Variants in ALDH1L1 observed in about 807,000 individuals in gnomAD.
ALDH1L1 encodes aldehyde dehydrogenase 1 family member L1, also known as cytosolic 10-formyltetrahydrofolate dehydrogenase.
A neutral mutation model predicts 101.1 loss-of-function variants in ALDH1L1; 68 were observed. That is an observed-to-expected ratio of 0.67 (90% CI 0.55 to 0.82). The LOEUF (loss-of-function observed/expected upper bound fraction) is 0.82, where lower values mean the gene tolerates loss of function less well. ALDH1L1 is among the 40% of genes least tolerant of loss of function. ALDH1L1 has a pLI of 0.00. For missense variants in ALDH1L1, 1,087 were observed against 1,172.7 expected (o/e 0.93, Z 1.07); for synonymous variants, 486 against 470.8 (o/e 1.03, Z -0.42).
At chr3:126,177,190 A>G (rs546900989) in intron 1 of ALDH1L1, among the ~76,000 whole-genome samples, 12 of 152,244 alleles carry the variant, frequency 7.9e-5, no homozygotes, top group Non-Finnish European at 1.6e-4. Flanking sequence ...GTGATCCATC[A>G]ATCGCTCTTG....
chr3:126,189,218 G>GA (rs1411275268), intron 1 of ALDH1L1, among the ~76,000 whole-genome samples: 2 of 151,814 alleles, frequency 1.3e-5, no homozygotes, highest in Non-Finnish European at 2.9e-5. Flanking sequence ...TGGATTAGCA[G>GA]AAAAAAAATT....
Position 126,118,019 on chromosome 3 carries a change from C to T in ALDH1L1, c.1968G>A (p.Lys656=), listed in dbSNP as rs147597514. 6,202 of 1,613,812 alleles carry T rather than the reference C, an allele frequency of 3.8e-3. 26 individuals are homozygous for T. The highest frequency in any genetic ancestry group is 3.7e-3 in the Non-Finnish European group (4,387 of 1,179,932). ...IGFTGSTEVG[K]HIMKSCAISN... ...CAGCCACGCACCTTTTCATGATGTGCTTGCCCACCTCTGTGGAGCCTGTGA... is the reference window on the plus strand; with the variant it reads ...CAGCCACGCACCTTTTCATGATGTGTTTGCCCACCTCTGTGGAGCCTGTGA... Residue 656 remains lysine (K), a synonymous_variant, in exon 17 of 23, where the codon AAG becomes AAA. Transcript: ENST00000393434.
At chr3:126,115,941 C>T (rs960417773) in intron 17 of ALDH1L1, among the ~76,000 whole-genome samples, 2 of 151,132 alleles carry the variant, frequency 1.3e-5, no homozygotes, top group African/African-American at 4.9e-5. Context: ...GGTGTGATCT[C>T]AGCTTACTGT....
At chr3:126,124,548 C>G in intron 15 of ALDH1L1, 97 bp from the exon 16 acceptor site, 1 of 981,868 alleles carries the variant, frequency 1.0e-6, no homozygotes, top group East Asian at 2.7e-5. Context: ...AGCCCAGCAG[C>G]AAGCTGGGAG....
chr3:126,188,336 T>A (rs2081533164), intron 1 of ALDH1L1, among the ~76,000 whole-genome samples: 1 of 152,228 alleles, frequency 6.6e-6, no homozygotes, highest in Non-Finnish European at 1.5e-5. Flanking sequence ...CTTTTCGTAT[T>A]CATGGGTTTC....
intron 1 of ALDH1L1, among the ~76,000 whole-genome samples, chr3:126,177,208 C>T (rs370104370): frequency 6.6e-5 from 10 of 152,204 alleles, no homozygotes; most frequent in African/African-American, 2.4e-4. Flanking sequence ...TTGATATTTA[C>T]TCAAAGGAGA....
chr3:126,140,952 G>A (rs1025325577), intron 9 of ALDH1L1, among the ~76,000 whole-genome samples: 1 of 151,902 alleles, frequency 6.6e-6, no homozygotes, highest in African/African-American at 2.4e-5. Flanking sequence ...AATGTAAATG[G>A]ATTAAACTCT....
At chr3:126,115,323 T>C in intron 17 of ALDH1L1, 1 of 326,018 alleles carries the variant, frequency 3.1e-6, no homozygotes, top group Non-Finnish European at 6.1e-6. Flanking sequence ...AGCCGGCAGG[T>C]AGGAGGCTCC....
Position 126,116,620 on chromosome 3 carries a change from A to G in ALDH1L1, c.1982+1385T>C, listed in dbSNP as rs192742759. ...TTTGAATTAGGAGAGGCAAACCTGC[A>G]GTGACTACTTGCAGTTACCCCATTC... On this transcript the variant is annotated intron_variant, in intron 17 of 22. Coordinates refer to ENST00000393434, the MANE Select transcript of ALDH1L1 (RefSeq NM_012190.4). Among the ~76,000 whole-genome samples, 273 of 152,318 alleles carry G rather than the reference A, an allele frequency of 1.8e-3. 1 individual carries two copies. Among genetic ancestry groups the G allele is most frequent in the Non-Finnish European group, 3.5e-3 (236 of 68,018 alleles).
At chr3:126,174,073 T>C (rs2108330797) in intron 1 of ALDH1L1, among the ~76,000 whole-genome samples, 1 of 152,310 alleles carries the variant, frequency 6.6e-6, no homozygotes, top group East Asian at 1.9e-4. Context: ...AGTTTCACTC[T>C]TGTTGCCCAG....
chr3:126,130,608 G>A (rs975616837), intron 13 of ALDH1L1, among the ~76,000 whole-genome samples: 2 of 152,250 alleles, frequency 1.3e-5, no homozygotes, highest in Non-Finnish European at 2.9e-5. Context: ...AAGCAGTTGA[G>A]CACATGTAGA....
intron 1 of ALDH1L1, among the ~76,000 whole-genome samples, chr3:126,174,109 G>A (rs1044598293): frequency 6.6e-6 from 1 of 152,300 alleles, no homozygotes; most frequent in South Asian, 2.1e-4. Context: ...CACGATCTCG[G>A]CTCACTGCAA....
intron 2 of ALDH1L1, chr3:126,159,270 G>T: frequency 2.6e-6 from 1 of 381,654 alleles, no homozygotes; most frequent in East Asian, 7.1e-5. Flanking sequence ...GATACAGCCT[G>T]CAGGGCCCCT....
At chr3:126,180,784 G>A, upstream of ALDH1L1, 1 of 1,482,850 alleles carries the variant, frequency 6.7e-7, no homozygotes, top group Non-Finnish European at 8.9e-7. Flanking sequence ...TTCCCGCTTA[G>A]GTCAAGAAGA....
chr3:126,120,816 TCTTAGG>T (rs1417684682), intron 16 of ALDH1L1, among the ~76,000 whole-genome samples: 1 of 152,206 alleles, frequency 6.6e-6, no homozygotes, highest in African/African-American at 2.4e-5. Context: ...AACAACACTC[TCTTAGG>T]CTATTTAAGA....
intron 2 of ALDH1L1, chr3:126,159,341 A>C (rs1341040352): frequency 4.6e-6 from 2 of 432,488 alleles, no homozygotes; most frequent in Non-Finnish European, 9.2e-6. Context: ...CCAAGCTCCC[A>C]AGTTTTTATA....
rs536580530 is a variant in ALDH1L1, at chr3:126,186,849, A to G, written c.-24+10886T>C. Among the ~76,000 whole-genome samples the G allele has an allele frequency of 1.6e-3, 247 of 152,280 alleles. 1 individual carries two copies. Among genetic ancestry groups the G allele is most frequent in the Non-Finnish European group, 1.9e-3 (129 of 68,022 alleles). On this transcript the variant is annotated intron_variant, in intron 1 of 2. Transcript: ENST00000509952. ...CATGTTGCTCAGTGGAGGGAGCTCCATGTGAAGTAGCTGCAAAAGTGCTGG... is the reference window on the plus strand; with the variant it reads ...CATGTTGCTCAGTGGAGGGAGCTCCGTGTGAAGTAGCTGCAAAAGTGCTGG...
In ALDH1L1 at chr3:126,142,871, A is replaced by G. The variant is rs987019011; in HGVS notation, c.1076+3964T>C. Among the ~76,000 whole-genome samples, 13 of 152,302 alleles carry G rather than the reference A, an allele frequency of 8.5e-5. No homozygotes were observed. The East Asian group carries it at 2.5e-3, about 29-fold the overall frequency. The stretch of plus-strand genomic sequence containing the variant: ...CAGGGTCGGGGGTTGGGGTTGTTCC[A>G]AGGCTCCCAGTGAGTGCCTGAAACC... On this transcript the variant is annotated intron_variant, in intron 9 of 22. Transcript: ENST00000393434.
At chr3:126,182,769 G>C (rs779275098), upstream of ALDH1L1, among the ~76,000 whole-genome samples, 4 of 152,174 alleles carry the variant, frequency 2.6e-5, no homozygotes, top group Admixed American at 6.5e-5. Flanking sequence ...ACTCTTAGAG[G>C]TATGGAGCAG....
Sources: gnomAD v4.1 joint callset for allele counts (sites outside exome capture counted in the v4.1 genomes callset) on GRCh38, gnomAD v4.1.1 for gene constraint, MANE v1.5 for transcripts, NCBI Gene and HGNC (gene_info 2026-07-23, HGNC 2026-07-21) for gene names.